Variants in IQCK observed in about 807,000 individuals in gnomAD.
IQCK encodes IQ domain-containing protein K.
A neutral mutation model predicts 28.1 loss-of-function variants in IQCK; 29 were observed. The ratio of observed to expected loss-of-function variants is 1.03; its 90% CI spans 0.77 to 1.41. The LOEUF (loss-of-function observed/expected upper bound fraction) is 1.41, where lower values mean the gene tolerates loss of function less well. Ranked by LOEUF, IQCK falls within the 40% of genes most tolerant of loss-of-function variation. The pLI is 0.00. For missense variants in IQCK, 359 were observed against 314.7 expected, an observed-to-expected ratio of 1.14 and a Z score of -1.07; for synonymous variants, 113 against 115.1, an observed-to-expected ratio of 0.98 and a Z score of 0.12.
chr16:19,730,295 T>C (rs550835516), intron 1 of IQCK, 135 bp from the exon 2 acceptor site: 2 of 590,574 alleles, frequency 3.4e-6, no homozygotes, highest in Admixed American at 3.4e-5. Context: ...TAACCTGTCA[T>C]GGCCAGTTGT....
chr16:19,753,457 C>T (rs1184956475), intron 4 of IQCK, among the ~76,000 whole-genome samples: 1 of 151,924 alleles, frequency 6.6e-6, no homozygotes, highest in African/African-American at 2.4e-5. Context: ...AATAAACATA[C>T]CTGCTTTGGA....
intron 4 of IQCK, among the ~76,000 whole-genome samples, chr16:19,739,365 A>G (rs796605555): frequency 2.6e-5 from 4 of 152,270 alleles, no homozygotes; most frequent in African/African-American, 9.6e-5. Context: ...CCTTATTTTC[A>G]CTAACAAGAG....
chr16:19,821,729 A>G (rs992286576), intron 7 of IQCK, among the ~76,000 whole-genome samples: 1 of 152,032 alleles, frequency 6.6e-6, no homozygotes, highest in Non-Finnish European at 1.5e-5. Flanking sequence ...TCATACACAA[A>G]TGTTCATAGC....
rs367739839 is a variant in IQCK, at chr16:19,817,605, G to T, written c.691-9421G>T. On this transcript the variant is annotated intron_variant, in intron 7 of 7. Transcript: ENST00000564186. Reference sequence around the variant, plus strand: ...CAGGCTTCCAGAATGATGAGGAAATGGATGTTTCTGTTTTTGTTGTTGTTG... The same window carrying T: ...CAGGCTTCCAGAATGATGAGGAAATTGATGTTTCTGTTTTTGTTGTTGTTG... Among the ~76,000 whole-genome samples, 6 of 152,272 alleles carry T rather than the reference G, an allele frequency of 3.9e-5. No homozygotes were observed. In the South Asian group the frequency reaches 1.2e-3, roughly 32 times the overall value.
intron 2 of IQCK, among the ~76,000 whole-genome samples, chr16:19,732,460 C>T (rs867298795): frequency 2.0e-5 from 3 of 152,158 alleles, no homozygotes; most frequent in South Asian, 4.1e-4. Context: ...TGGGCGGTGG[C>T]GGCAGGAGGG....
At chr16:19,832,189 AG>A (rs1338617161), downstream of IQCK, among the ~76,000 whole-genome samples, 1 of 151,890 alleles carries the variant, frequency 6.6e-6, no homozygotes, top group Non-Finnish European at 1.5e-5. Flanking sequence ...AAGAAACCAT[AG>A]AAATTGTTCC....
intron 9 of IQCK, among the ~76,000 whole-genome samples, chr16:19,839,858 C>T (rs545329732): frequency 9.2e-5 from 14 of 151,894 alleles, no homozygotes; most frequent in African/African-American, 3.1e-4. Flanking sequence ...AACTGGGTAG[C>T]GTGGTGCATG....
intron 7 of IQCK, among the ~76,000 whole-genome samples, chr16:19,799,262 A>T (rs8056192): frequency 0.044 from 3,749 of 85,384 alleles, 252 homozygotes; most frequent in Middle Eastern, 0.098. Context: ...ATATATATAT[A>T]TTTTTTTTAT....
At chr16:19,828,092 T>C (rs550438518), downstream of IQCK, among the ~76,000 whole-genome samples, 4 of 151,912 alleles carry the variant, frequency 2.6e-5, no homozygotes, top group African/African-American at 9.7e-5. Context: ...TTTGTATTTT[T>C]AGTAGACACA....
At chr16:19,828,428 G>A (rs1285435564), downstream of IQCK, among the ~76,000 whole-genome samples, 2 of 146,208 alleles carry the variant, frequency 1.4e-5, no homozygotes, top group Non-Finnish European at 3.0e-5. Context: ...GAGACAGGGT[G>A]TCACCATACA....
exon 10 of IQCK, chr16:19,857,470 C>G (rs775932697): frequency 2.3e-6 from 1 of 437,454 alleles, no homozygotes; most frequent in South Asian, 1.7e-5. Context: ...AACAGTCAGC[C>G]GGGGGAAGAT....
chr16:19,776,029 C>T (rs1029094217), intron 6 of IQCK, among the ~76,000 whole-genome samples: 6 of 151,758 alleles, frequency 4.0e-5, no homozygotes, highest in African/African-American at 1.2e-4. Flanking sequence ...TATAGGCACC[C>T]AACACCATGC....
chr16:19,843,595 A>G (rs1169329285), intron 9 of IQCK, among the ~76,000 whole-genome samples: 1 of 152,252 alleles, frequency 6.6e-6, no homozygotes, highest in Non-Finnish European at 1.5e-5. Context: ...GCCATAATAA[A>G]ATACCACAGA....
chr16:19,818,771 T>G (rs929245755), intron 7 of IQCK, among the ~76,000 whole-genome samples: 4 of 152,202 alleles, frequency 2.6e-5, no homozygotes, highest in Non-Finnish European at 4.4e-5. Flanking sequence ...TAAGTTTAGC[T>G]GAAAACAATC....
In IQCK at chr16:19,815,998, G is replaced by A. The variant is rs548929727; in HGVS notation, c.691-11028G>A. 5.3e-5 allele frequency among the ~76,000 whole-genome samples: 8 copies of A among 152,114 alleles called. No homozygotes were observed. The South Asian group carries it at 1.7e-3, about 32-fold the overall frequency. ...TCTATGAGGCATCTCACACCAAGTC[G>A]GTGGTTCACTCTTGTGAACATGACT... On this transcript the variant is annotated intron_variant, in intron 7 of 7. Coordinates refer to ENST00000564186, the Ensembl canonical transcript of IQCK.
chr16:19,813,753 T>C (rs1202748721), intron 7 of IQCK, among the ~76,000 whole-genome samples: 3 of 152,098 alleles, frequency 2.0e-5, no homozygotes, highest in Non-Finnish European at 2.9e-5. Context: ...GGAAATAAAT[T>C]AGGGGAAACT....
At chr16:19,747,952 T>C (rs1217328233) in intron 4 of IQCK, among the ~76,000 whole-genome samples, 2 of 152,146 alleles carry the variant, frequency 1.3e-5, no homozygotes, top group African/African-American at 2.4e-5. Context: ...AGAAATAATA[T>C]GGACCGGGTC....
chr16:19,740,958 A>G (rs1597508821), intron 4 of IQCK, among the ~76,000 whole-genome samples: 1 of 144,626 alleles, frequency 6.9e-6, no homozygotes, highest in African/African-American at 2.7e-5. Context: ...ACAGAGCGAG[A>G]CTCCATCTAA....
At chr16:19,775,044 G>A (rs1230028291) in intron 6 of IQCK, among the ~76,000 whole-genome samples, 1 of 151,930 alleles carries the variant, frequency 6.6e-6, no homozygotes, top group East Asian at 1.9e-4. Context: ...TGGCCAACAT[G>A]GTGAAATCCC....
Sources: gnomAD v4.1 joint callset for allele counts (sites outside exome capture counted in the v4.1 genomes callset) on GRCh38, gnomAD v4.1.1 for gene constraint, MANE v1.5 for transcripts, NCBI Gene and HGNC (gene_info 2026-07-23, HGNC 2026-07-21) for gene names.